SMC3: variants seen among roughly 807,000 people sequenced by gnomAD.
SMC3 encodes the protein structural maintenance of chromosomes protein 3.
Under a neutral mutation model 171.8 loss-of-function variants are expected in SMC3, and 20 were observed. The observed-to-expected ratio is 0.12, with a 90% CI of 0.08 to 0.17. The LOEUF (loss-of-function observed/expected upper bound fraction) is 0.17. SMC3 is among the 10% of genes least tolerant of loss of function. SMC3 has a pLI of 1.00. For synonymous variants in SMC3, 464 were observed against 451.1 expected, an observed-to-expected ratio of 1.03 and a Z score of -0.36; for missense variants, 543 against 1,420.4, an observed-to-expected ratio of 0.38 and a Z score of 9.93.
intron 6 of SMC3, among the ~76,000 whole-genome samples, chr10:110,578,154 A>T (rs993546753): frequency 1.3e-5 from 2 of 151,838 alleles, no homozygotes; most frequent in Non-Finnish European, 2.9e-5. Flanking sequence ...GCTCACTGCA[A>T]CCTCCACCTC....
At chr10:110,598,956 A>G (rs1484950365) in intron 20 of SMC3, among the ~76,000 whole-genome samples, 2 of 152,064 alleles carry the variant, frequency 1.3e-5, no homozygotes, top group Admixed American at 6.5e-5. Flanking sequence ...AAGCAAACTT[A>G]TAAGTGATAG....
chr10:110,573,499 A>G (rs1860902950), intron 2 of SMC3, among the ~76,000 whole-genome samples: 1 of 152,148 alleles, frequency 6.6e-6, no homozygotes, highest in Non-Finnish European at 1.5e-5. Flanking sequence ...ATCTTTAAAG[A>G]AAAAACTATT....
In SMC3 at chr10:110,590,477, C is replaced by T. The variant is rs750446783; in HGVS notation, c.1575C>T (p.Asn525=). 5.6e-6 allele frequency: 9 copies of T among 1,613,800 alleles called. No homozygotes were observed. In the Admixed American group the frequency reaches 1.3e-4, roughly 24 times the overall value. Reference sequence around the variant, plus strand: ...ACCACTTCCGTCGAAAAGGAATAAACCAGCATGTTCAAAATGGCTATCATG... The same window carrying T: ...ACCACTTCCGTCGAAAAGGAATAAATCAGCATGTTCAAAATGGCTATCATG... The part of the protein sequence containing the change: ...VLDHFRRKGI[N]QHVQNGYHGI... Residue 525 remains asparagine (N), a synonymous_variant, in exon 16 of 29, where the codon AAC becomes AAT. Coordinates refer to ENST00000361804, the MANE Select transcript of SMC3 (RefSeq NM_005445.4).
intron 13 of SMC3, among the ~76,000 whole-genome samples, chr10:110,585,235 C>T (rs1414971107): frequency 6.6e-6 from 1 of 152,006 alleles, no homozygotes; most frequent in Non-Finnish European, 1.5e-5. Context: ...CTGCCTCAGC[C>T]TCCCAAAGTG....
At chr10:110,597,991 TCAG>T (rs1861327875) in intron 19 of SMC3, 145 bp from the exon 20 acceptor site, 2 of 695,060 alleles carry the variant, frequency 2.9e-6, no homozygotes, top group Admixed American at 2.6e-5. Flanking sequence ...GTAATATAGT[TCAG>T]CATTGTTTTG....
chr10:110,602,725 C>T, intron 26 of SMC3, 60 bp downstream of exon 26: 1 of 1,574,402 alleles, frequency 6.4e-7, no homozygotes. Flanking sequence ...TTTATAGTAT[C>T]TTTTGCAAAT....
At chr10:110,574,546 A>G (rs1250180410) in intron 3 of SMC3, among the ~76,000 whole-genome samples, 2 of 152,214 alleles carry the variant, frequency 1.3e-5, no homozygotes, top group African/African-American at 4.8e-5. Context: ...TGTGGTTGTA[A>G]TTTGGCAATG....
At chr10:110,604,190 A>G (rs1371019857) in intron 28 of SMC3, 41 bp from the exon 29 acceptor site, 2 of 1,227,454 alleles carry the variant, frequency 1.6e-6, no homozygotes, top group Admixed American at 3.4e-5. Flanking sequence ...GTAAACACTG[A>G]TGTAATTAAC....
intron 1 of SMC3, 148 bp from the exon 2 acceptor site, chr10:110,568,790 T>G: frequency 1.6e-6 from 1 of 633,100 alleles, no homozygotes; most frequent in Non-Finnish European, 2.8e-6. Flanking sequence ...TAGCAGATTT[T>G]TAATCACCAC....
Position 110,602,635 on chromosome 10 carries a change from A to G in SMC3, c.3267A>G (p.Ser1089=). Residue 1089 remains serine (S), a synonymous_variant, in exon 26 of 29, where the codon TCA becomes TCG. Coordinates refer to ENST00000361804, the MANE Select transcript of SMC3 (RefSeq NM_005445.4). ...CTGGCTCACAAAGCAGTGTCCCATCAGTTGACCAGTTTACTGGAGTTGGAA... is the reference window on the plus strand; with the variant it reads ...CTGGCTCACAAAGCAGTGTCCCATCGGTTGACCAGTTTACTGGAGTTGGAA... The part of the protein sequence containing the change: ...RGSGSQSSVP[S]VDQFTGVGIR... The G allele has an allele frequency of 1.2e-6, 2 of 1,614,086 alleles. No individual in the cohort carries two copies. The highest frequency in any genetic ancestry group is 1.1e-5 in the South Asian group (1 of 91,082).
At chr10:110,580,305 TA>T (rs1297490648) in intron 7 of SMC3, among the ~76,000 whole-genome samples, 8 of 151,984 alleles carry the variant, frequency 5.3e-5, no homozygotes, top group African/African-American at 1.9e-4. Flanking sequence ...ATTGTAGCTT[TA>T]AAAAAAAGTG....
chr10:110,593,337 T>A (rs1564793120), intron 18 of SMC3, 114 bp downstream of exon 18: 1 of 1,051,908 alleles, frequency 9.5e-7, no homozygotes, highest in Admixed American at 2.0e-5. Context: ...TTTGGGAGGC[T>A]GAGGCGGGTG....
chr10:110,591,427 A>T (rs1388696369), intron 17 of SMC3, among the ~76,000 whole-genome samples: 2 of 152,194 alleles, frequency 1.3e-5, no homozygotes, highest in African/African-American at 2.4e-5. Context: ...AATCATTGCA[A>T]ATGTGCAGTG....
intron 5 of SMC3, 70 bp from the exon 6 acceptor site, chr10:110,577,765 A>C (rs1278969196): frequency 7.7e-6 from 8 of 1,044,394 alleles, no homozygotes; most frequent in African/African-American, 1.6e-5. Context: ...AAGGACTTTA[A>C]AATGACCTTA....
At chr10:110,574,513 A>C (rs1244082959) in intron 3 of SMC3, among the ~76,000 whole-genome samples, 2 of 152,084 alleles carry the variant, frequency 1.3e-5, no homozygotes, top group Non-Finnish European at 1.5e-5. Context: ...TCTGAAAGGC[A>C]CTCTCTAGCC....
intron 7 of SMC3, 81 bp downstream of exon 7, chr10:110,578,787 A>C (rs1860992257): frequency 1.7e-6 from 2 of 1,150,296 alleles, no homozygotes; most frequent in East Asian, 5.1e-5. Flanking sequence ...TATTGATTTG[A>C]GTGGTTAAGC....
chr10:110,597,364 C>A (rs192241506), intron 19 of SMC3, among the ~76,000 whole-genome samples: 8 of 152,010 alleles, frequency 5.3e-5, no homozygotes, highest in African/African-American at 1.9e-4. Context: ...CTTAAAACCA[C>A]CATGGTGCTT....
chr10:110,579,443 G>C (rs149171841), intron 7 of SMC3, among the ~76,000 whole-genome samples: 1 of 152,132 alleles, frequency 6.6e-6, no homozygotes, highest in Non-Finnish European at 1.5e-5. Context: ...ACTTTTCTGA[G>C]ATCCGTCTGC....
intron 8 of SMC3, 118 bp downstream of exon 8, chr10:110,581,139 G>T: frequency 2.9e-6 from 2 of 682,660 alleles, no homozygotes; most frequent in Non-Finnish European, 2.7e-6. Flanking sequence ...AGATAATGCT[G>T]TTATTAATAA....
Sources: allele counts gnomAD v4.1 joint callset (sites outside exome capture counted in the v4.1 genomes callset), GRCh38; gene constraint gnomAD v4.1.1; transcripts MANE v1.5; gene names NCBI Gene and HGNC (gene_info 2026-07-23, HGNC 2026-07-21).